Variants in CPPED1 observed in about 807,000 individuals in gnomAD.
The protein encoded by CPPED1 is serine/threonine-protein phosphatase CPPED1.
Under a neutral mutation model 28.0 loss-of-function variants are expected in CPPED1, and 28 were observed. The ratio of observed to expected loss-of-function variants is 1.00; its 90% CI spans 0.74 to 1.37. The LOEUF is 1.37. CPPED1 is among the 40% of genes most tolerant of loss of function. CPPED1 has a pLI of 0.00. For missense variants in CPPED1, 504 were observed against 416.5 expected, an observed-to-expected ratio of 1.21 and a Z score of -1.83; for synonymous variants, 198 against 180.2, an observed-to-expected ratio of 1.10 and a Z score of -0.79.
intron 1 of CPPED1, among the ~76,000 whole-genome samples, chr16:12,792,523 C>A (rs1413548795): frequency 6.6e-6 from 1 of 152,034 alleles, no homozygotes; most frequent in East Asian, 1.9e-4. Flanking sequence ...CACAGGAATC[C>A]CCCCAGATAG....
intron 2 of CPPED1, among the ~76,000 whole-genome samples, chr16:12,754,948 C>G (rs1020466960): frequency 6.6e-6 from 1 of 152,138 alleles, no homozygotes; most frequent in South Asian, 2.1e-4. Context: ...GAGTTAGAAG[C>G]TGTAGTGAGC....
intron 2 of CPPED1, among the ~76,000 whole-genome samples, chr16:12,746,392 A>AT (rs2141214296): frequency 6.6e-6 from 1 of 152,068 alleles, no homozygotes; most frequent in East Asian, 1.9e-4. Context: ...AAAAAAAAAA[A>AT]AAATTCGATG....
chr16:12,769,741 G>T (rs772923076), intron 2 of CPPED1, among the ~76,000 whole-genome samples: 3 of 152,106 alleles, frequency 2.0e-5, no homozygotes, highest in Non-Finnish European at 4.4e-5. Flanking sequence ...ACCCACACGC[G>T]ACCTGCTGGA....
rs2079912382 is a variant in CPPED1, at chr16:12,682,776, C to T, written c.716-17661G>A. Among the ~76,000 whole-genome samples the T allele has an allele frequency of 6.6e-6, 1 of 152,108 alleles. No individual in the cohort carries two copies. On this transcript the variant is annotated intron_variant, in intron 3 of 3. Coordinates refer to ENST00000381774, the MANE Select transcript of CPPED1 (RefSeq NM_018340.3). The surrounding 1 kb of genome is among the most constrained non-coding windows in gnomAD (Gnocchi z 6.1). ...CAGAAGATCTTTTTCTTTTCATTTG[C>T]ACAAATTACATCTTTCTCACTATTC...
intron 3 of CPPED1, among the ~76,000 whole-genome samples, chr16:12,671,663 C>A (rs2079853317): frequency 6.6e-6 from 1 of 152,162 alleles, no homozygotes; most frequent in Non-Finnish European, 1.5e-5. Context: ...ACGTGCAGCA[C>A]ATGGACATTT....
At chr16:12,756,588 T>C (rs1406344241) in intron 2 of CPPED1, among the ~76,000 whole-genome samples, 1 of 152,030 alleles carries the variant, frequency 6.6e-6, no homozygotes, top group African/African-American at 2.4e-5. Flanking sequence ...ACACCTGTCA[T>C]CCCAGTTACT....
chr16:12,689,221 T>TG (rs1449431988), intron 3 of CPPED1, among the ~76,000 whole-genome samples: 1 of 145,688 alleles, frequency 6.9e-6, no homozygotes, highest in African/African-American at 2.6e-5. Flanking sequence ...AGAGGGCTTT[T>TG]TTTTTTTTTT....
intron 3 of CPPED1, among the ~76,000 whole-genome samples, chr16:12,679,255 T>C (rs1386814824): frequency 1.3e-5 from 2 of 152,240 alleles, no homozygotes; most frequent in Non-Finnish European, 2.9e-5. Flanking sequence ...ACGGACTTAC[T>C]ATGGTTGGAC....
intron 2 of CPPED1, among the ~76,000 whole-genome samples, chr16:12,745,113 T>C (rs2080278758): frequency 6.6e-6 from 1 of 151,836 alleles, no homozygotes; most frequent in Admixed American, 6.6e-5. Context: ...ACTCTCGGAG[T>C]ATCAGTGAGC....
chr16:12,695,426 G>C (rs971568668), intron 3 of CPPED1, among the ~76,000 whole-genome samples: 5 of 124,132 alleles, frequency 4.0e-5, no homozygotes, highest in African/African-American at 2.6e-4. Context: ...TATTATGCCT[G>C]GTTAGTTAAA....
intron 2 of CPPED1, among the ~76,000 whole-genome samples, chr16:12,724,531 G>A (rs774252315): frequency 2.0e-5 from 3 of 152,152 alleles, no homozygotes; most frequent in East Asian, 3.9e-4. Context: ...ACAGCTTCCC[G>A]CACTCATCTC....
At chr16:12,785,555 G>A (rs1367533395) in intron 1 of CPPED1, among the ~76,000 whole-genome samples, 1 of 151,560 alleles carries the variant, frequency 6.6e-6, no homozygotes, top group Non-Finnish European at 1.5e-5. Context: ...AGCCTCCCGA[G>A]TAGCTGCGAT....
intron 3 of CPPED1, among the ~76,000 whole-genome samples, chr16:12,688,235 A>T (rs1437702288): frequency 2.0e-5 from 3 of 151,984 alleles, no homozygotes; most frequent in Non-Finnish European, 4.4e-5. Flanking sequence ...ATAGGTAGAA[A>T]GCAAAGTACT....
At chr16:12,781,130 T>C in intron 2 of CPPED1, 55 bp downstream of exon 2, 1 of 1,506,774 alleles carries the variant, frequency 6.6e-7, no homozygotes, top group Non-Finnish European at 9.1e-7. Context: ...CCTGCCCAAA[T>C]GCAGTCATGA....
At chr16:12,665,786 G>A (rs1173800280) in intron 3 of CPPED1, among the ~76,000 whole-genome samples, 3 of 152,168 alleles carry the variant, frequency 2.0e-5, no homozygotes, top group Non-Finnish European at 4.4e-5. Flanking sequence ...TTGGCTAGGC[G>A]TGGTGGCAGG....
At position 12,781,191 on chromosome 16, in the gene CPPED1, T is replaced by C. The variant is rs760476149; in HGVS notation, c.283A>G (p.Met95Val). Residue 95 changes from methionine (M) to valine (V), a missense_variant, in exon 2 of 4, where the codon ATG becomes GTG. By Grantham distance (21) the Met-to-Val change is conservative (BLOSUM62 1). Coordinates refer to ENST00000381774, the MANE Select transcript of CPPED1 (RefSeq NM_018340.3). ...FVLCGDLIHA[M>V]PGKPWRTEQT... is the part of the protein sequence containing the mutation. The stretch of plus-strand genomic sequence containing the variant: ...GCGATGACCCGAGTCTTACCTGGCA[T>C]GGCGTGGATGAGGTCGCCGCACAGA... 2 of 1,612,440 alleles carry C rather than the reference T, an allele frequency of 1.2e-6. No individual in the cohort carries two copies. The highest frequency in any genetic ancestry group is 1.7e-6 in the Non-Finnish European group (2 of 1,179,236).
intron 1 of CPPED1, among the ~76,000 whole-genome samples, chr16:12,801,609 G>C (rs56221682): frequency 0.22 from 33,315 of 151,804 alleles, 4,793 homozygotes; most frequent in African/African-American, 0.41. Flanking sequence ...GTAGGTATAT[G>C]CCTCAGAGTA....
chr16:12,698,775 TTCTC>T (rs372553382), intron 3 of CPPED1, among the ~76,000 whole-genome samples: 4 of 152,134 alleles, frequency 2.6e-5, no homozygotes, highest in South Asian at 2.1e-4. Context: ...AAGATTTATC[TTCTC>T]TCTCTCTCAT....
chr16:12,778,263 T>A (rs2080509488), intron 2 of CPPED1, among the ~76,000 whole-genome samples: 2 of 133,878 alleles, frequency 1.5e-5, no homozygotes, highest in South Asian at 4.8e-4. Context: ...CTTTTCTTTT[T>A]TCTTTCTTTC....
Sources: gnomAD v4.1 joint callset for allele counts (sites outside exome capture counted in the v4.1 genomes callset) on GRCh38, gnomAD v4.1.1 for gene constraint, Gnocchi (gnomAD v3.1) non-coding constraint, MANE v1.5 for transcripts, NCBI Gene and HGNC (gene_info 2026-07-23, HGNC 2026-07-21) for gene names.